FHIT: variants seen among roughly 807,000 people sequenced by gnomAD.
FHIT encodes fragile histidine triad diadenosine triphosphatase.
Under a neutral mutation model 17.9 loss-of-function variants are expected in FHIT, and 19 were observed. That is an observed-to-expected ratio of 1.06 (90% confidence interval 0.74 to 1.56). The LOEUF is 1.56. FHIT is among the 40% of genes most tolerant of loss of function. The pLI is 0.00. For synonymous variants in FHIT, 81 were observed against 69.7 expected, an observed-to-expected ratio of 1.16 and a Z score of -0.81; for missense variants, 248 against 189.2, an observed-to-expected ratio of 1.31 and a Z score of -1.82.
chr3:59,783,347 T>TA (rs1689611469), intron 8 of FHIT, among the ~76,000 whole-genome samples: 1 of 152,140 alleles, frequency 6.6e-6, no homozygotes, highest in African/African-American at 2.4e-5. Flanking sequence ...CGCATGCCTG[T>TA]AGTCTCAGCT....
In FHIT at chr3:60,477,894, G is replaced by A. The variant is rs532941250; in HGVS notation, c.103+58966C>T. Among the ~76,000 whole-genome samples the A allele has an allele frequency of 5.3e-5, 8 of 152,196 alleles. No individual in the cohort carries two copies. In the South Asian group the frequency reaches 1.5e-3, roughly 28 times the overall value. On this transcript the variant is annotated intron_variant, in intron 5 of 9. Transcript: ENST00000492590. Reference sequence around the variant, plus strand: ...CACTTTTTCACCCTGTTCATAGTACGAATGAAAGGTGAATTATCTTGGTCT... The same window carrying A: ...CACTTTTTCACCCTGTTCATAGTACAAATGAAAGGTGAATTATCTTGGTCT...
intron 8 of FHIT, among the ~76,000 whole-genome samples, chr3:59,913,751 T>G (rs1704996968): frequency 6.6e-6 from 1 of 152,170 alleles, no homozygotes. Flanking sequence ...GATTGGGTAT[T>G]TTTCCCCCAT....
intron 2 of FHIT, among the ~76,000 whole-genome samples, chr3:61,110,648 G>A (rs2036131391): frequency 6.6e-6 from 1 of 152,142 alleles, no homozygotes; most frequent in African/African-American, 2.4e-5. Flanking sequence ...CTGGCCCAGA[G>A]CAGGCTGACC....
At chr3:61,213,059 T>C (rs963537088) in intron 1 of FHIT, among the ~76,000 whole-genome samples, 1 of 152,104 alleles carries the variant, frequency 6.6e-6, no homozygotes, top group African/African-American at 2.4e-5. Context: ...TCATGCCAAA[T>C]TGTAAAGACC....
intron 8 of FHIT, among the ~76,000 whole-genome samples, chr3:59,852,911 T>C (rs1461726435): frequency 6.6e-6 from 1 of 152,152 alleles, no homozygotes; most frequent in South Asian, 2.1e-4. Context: ...CCACAGTGTA[T>C]TTATCCATTC....
At chr3:60,190,694 G>C (rs562524526) in intron 5 of FHIT, among the ~76,000 whole-genome samples, 109 of 152,158 alleles carry the variant, frequency 7.2e-4, no homozygotes, top group Non-Finnish European at 1.2e-3. Flanking sequence ...CAGCACACCA[G>C]CATGGCACAT....
intron 8 of FHIT, among the ~76,000 whole-genome samples, chr3:59,828,696 T>C (rs570218388): frequency 6.6e-6 from 1 of 152,332 alleles, no homozygotes; most frequent in African/African-American, 2.4e-5. Flanking sequence ...ATTTCAGCCA[T>C]GTCATATCTT....
chr3:60,509,970 C>CA (rs2034885350), intron 5 of FHIT, among the ~76,000 whole-genome samples: 1 of 152,198 alleles, frequency 6.6e-6, no homozygotes, highest in South Asian at 2.1e-4. Context: ...ATGAGTGATA[C>CA]AAACCCTAGC....
At chr3:59,782,200 C>G (rs189718188) in intron 8 of FHIT, among the ~76,000 whole-genome samples, 70 of 152,268 alleles carry the variant, frequency 4.6e-4, no homozygotes, top group Non-Finnish European at 7.4e-4. Context: ...GTGATCCACC[C>G]GCCTCGGCCT....
At chr3:61,232,637 A>C (rs1389584427) in intron 1 of FHIT, among the ~76,000 whole-genome samples, 2 of 152,192 alleles carry the variant, frequency 1.3e-5, no homozygotes, top group South Asian at 4.1e-4. Flanking sequence ...GAAGATTCAG[A>C]ATATTTCAAA....
chr3:60,210,721 A>T (rs559061062), intron 5 of FHIT, among the ~76,000 whole-genome samples: 1 of 152,298 alleles, frequency 6.6e-6, no homozygotes, highest in South Asian at 2.1e-4. Context: ...CCTATCTGAC[A>T]GGAAAGTCTT....
chr3:60,092,927 C>T (rs574411650), intron 5 of FHIT, among the ~76,000 whole-genome samples: 18 of 152,286 alleles, frequency 1.2e-4, no homozygotes, highest in African/African-American at 4.3e-4. Flanking sequence ...CTGGAACCAG[C>T]TTGGTGCCAA....
intron 2 of FHIT, among the ~76,000 whole-genome samples, chr3:61,156,390 G>T (rs2037534616): frequency 6.6e-6 from 1 of 151,580 alleles, no homozygotes; most frequent in Non-Finnish European, 1.5e-5. Flanking sequence ...ACTAAGGGAG[G>T]CCCCGGTTAT....
At chr3:60,504,445 T>G (rs1576775664) in intron 5 of FHIT, among the ~76,000 whole-genome samples, 1 of 151,168 alleles carries the variant, frequency 6.6e-6, no homozygotes, top group South Asian at 2.1e-4. Flanking sequence ...AAAAAAAAAT[T>G]TTTTTTTTGG....
chr3:60,371,680 T>C (rs1428305190), intron 5 of FHIT, among the ~76,000 whole-genome samples: 2 of 152,172 alleles, frequency 1.3e-5, no homozygotes, highest in East Asian at 1.9e-4. Context: ...AAACTGCAAA[T>C]CTATTTCCAA....
rs182634227 is a variant in FHIT, at chr3:60,933,566, A to G, written c.-111+108481T>C. 3.2e-3 allele frequency among the ~76,000 whole-genome samples: 482 copies of G among 152,316 alleles called. 3 individuals are homozygous for G. Among genetic ancestry groups the G allele is most frequent in the African/African-American group, 0.011 (469 of 41,574 alleles). Reference sequence around the variant, plus strand: ...TTGGACAGCTCAGGTAAGCCTCAAAAGCGGGTGTGTAGAGTAGGAAGTTGA... The same window carrying G: ...TTGGACAGCTCAGGTAAGCCTCAAAGGCGGGTGTGTAGAGTAGGAAGTTGA... On this transcript the variant is annotated intron_variant, in intron 3 of 9. Coordinates refer to ENST00000492590, the MANE Select transcript of FHIT (RefSeq NM_002012.4).
intron 3 of FHIT, among the ~76,000 whole-genome samples, chr3:60,918,946 G>A (rs989084996): frequency 2.6e-5 from 4 of 151,706 alleles, no homozygotes; most frequent in Non-Finnish European, 4.4e-5. Context: ...TTTTATTTAT[G>A]GAATAACATA....
chr3:60,189,212 G>C (rs143330914), intron 5 of FHIT, among the ~76,000 whole-genome samples: 126 of 151,898 alleles, frequency 8.3e-4, no homozygotes, highest in Middle Eastern at 3.4e-3. Context: ...AAAAAAATCT[G>C]ACAGGTGTTC....
At chr3:59,969,958 C>G (rs148674060) in intron 7 of FHIT, among the ~76,000 whole-genome samples, 32 of 152,184 alleles carry the variant, frequency 2.1e-4, no homozygotes, top group African/African-American at 7.7e-4. Context: ...AACGTCATGT[C>G]AAATGCACAT....
Sources: allele counts gnomAD v4.1 joint callset (sites outside exome capture counted in the v4.1 genomes callset), GRCh38; gene constraint gnomAD v4.1.1; transcripts MANE v1.5; gene names NCBI Gene and HGNC (gene_info 2026-07-23, HGNC 2026-07-21).